The following RIMS3 variants were observed in gnomAD, a reference collection of about 807,000 sequenced individuals.
RIMS3 encodes regulating synaptic membrane exocytosis 3, also known as regulating synaptic membrane exocytosis protein 3.
Under a neutral mutation model 29.2 loss-of-function variants are expected in RIMS3, and 15 were observed. The ratio of observed to expected loss-of-function variants is 0.51; its 90% CI spans 0.34 to 0.79. RIMS3 has a LOEUF of 0.79. Ranked by LOEUF, RIMS3 falls within the 30% of genes least tolerant of loss-of-function variation. The pLI, the probability that RIMS3 is intolerant of heterozygous loss-of-function variation, is 0.01. For synonymous variants in RIMS3, 161 were observed against 170.1 expected (o/e 0.95, Z 0.41); for missense variants, 342 against 421.4 (o/e 0.81, Z 1.65).
At chr1:40,653,326 G>C (rs1214169370) in intron 1 of RIMS3, among the ~76,000 whole-genome samples, 5 of 152,200 alleles carry the variant, frequency 3.3e-5, no homozygotes, top group African/African-American at 4.8e-5. Context: ...GCCAACTGAA[G>C]GAGGGAGAGT....
At chr1:40,680,092 T>G in the RIMS3 span, among the ~76,000 whole-genome samples, 25 of 151,702 alleles carry the variant, frequency 1.6e-4, no homozygotes, top group East Asian at 1.9e-4. Flanking sequence ...CCCAGGAGTT[T>G]TGAGACTCGC....
At chr1:40,626,833 A>C (rs559588647) in intron 7 of RIMS3, 104 bp from the exon 8 acceptor site, 9 of 1,000,760 alleles carry the variant, frequency 9.0e-6, no homozygotes, top group Middle Eastern at 2.1e-4. Context: ...GATGGAGCAG[A>C]GGGAGCCAGA....
chr1:40,689,500 T>C, the RIMS3 span, among the ~76,000 whole-genome samples: 1 of 152,130 alleles, frequency 6.6e-6, no homozygotes, highest in Non-Finnish European at 1.5e-5. Context: ...CAGGCTGGTC[T>C]TGAACTCCTG....
At chr1:40,660,792 A>G (rs770772420) in intron 1 of RIMS3, among the ~76,000 whole-genome samples, 4 of 151,982 alleles carry the variant, frequency 2.6e-5, no homozygotes, top group Non-Finnish European at 1.5e-5. Flanking sequence ...AGGTGGGAAG[A>G]GGGGTTGGGG....
In RIMS3 at chr1:40,644,382, A is replaced by C. The variant is rs971304871; in HGVS notation, c.-31-2426T>G. The stretch of plus-strand genomic sequence containing the variant: ...AATATAGACATTTACTCTCCCTGTT[A>C]GCTGCATTCAACAAATATTTAAGCC... On this transcript the variant is annotated intron_variant, in intron 2 of 7. Coordinates refer to ENST00000372684, the MANE Select transcript of RIMS3 (RefSeq NM_014747.3). Among the ~76,000 whole-genome samples, 7 of 152,358 alleles carry C rather than the reference A, an allele frequency of 4.6e-5. No homozygotes were observed. In the South Asian group the frequency reaches 6.2e-4, roughly 14 times the overall value.
At chr1:40,673,668 T>C in the RIMS3 span, among the ~76,000 whole-genome samples, 6 of 152,228 alleles carry the variant, frequency 3.9e-5, no homozygotes, top group African/African-American at 1.4e-4. Flanking sequence ...AGCTTGCTCA[T>C]GATGAGCTCA....
intron 2 of RIMS3, among the ~76,000 whole-genome samples, chr1:40,646,765 A>G (rs570777347): frequency 5.9e-5 from 9 of 152,250 alleles, no homozygotes; most frequent in Admixed American, 3.9e-4. Context: ...CTGGGGTCTC[A>G]GTACCCTAAA....
the RIMS3 span, among the ~76,000 whole-genome samples, chr1:40,671,756 TC>T: frequency 6.7e-6 from 1 of 148,996 alleles, no homozygotes; most frequent in African/African-American, 2.5e-5. Flanking sequence ...TCCTTTCTTT[TC>T]TTTTTTTTTT....
chr1:40,676,761 A>T, the RIMS3 span, among the ~76,000 whole-genome samples: 1 of 152,254 alleles, frequency 6.6e-6, no homozygotes. Flanking sequence ...TAAGCTAACA[A>T]CTATGTTGAT....
chr1:40,679,401 G>A, the RIMS3 span, among the ~76,000 whole-genome samples: 1 of 152,344 alleles, frequency 6.6e-6, no homozygotes, highest in Admixed American at 6.5e-5. Context: ...AGGGTCCAGA[G>A]TGGGAAAGAT....
Position 40,628,966 on chromosome 1 carries a change from T to C in RIMS3, c.575-17A>G, listed in dbSNP as rs753970921. Reference sequence around the variant, plus strand: ...TATAGGTGGCTAAGGGAGGAGAGAATGTATGACAGGGAGGGGTCCAGGACA... The same window carrying C: ...TATAGGTGGCTAAGGGAGGAGAGAACGTATGACAGGGAGGGGTCCAGGACA... On this transcript the variant is annotated splice_polypyrimidine_tract_variant and intron_variant, in intron 6 of 7. Transcript: ENST00000372684. 9.9e-6 allele frequency: 16 copies of C among 1,612,568 alleles called. No individual in the cohort carries two copies. Among genetic ancestry groups the C allele is most frequent in the Admixed American group, 5.0e-5 (3 of 59,996 alleles).
chr1:40,658,520 T>C (rs1570202019), intron 1 of RIMS3, among the ~76,000 whole-genome samples: 1 of 152,226 alleles, frequency 6.6e-6, no homozygotes, highest in East Asian at 1.9e-4. Context: ...CCTGTTTGCA[T>C]GTCTCTTTGA....
the RIMS3 span, chr1:40,691,886 G>A: frequency 3.9e-5 from 15 of 381,990 alleles, no homozygotes; most frequent in South Asian, 2.1e-4. Flanking sequence ...GTGTGCGGGA[G>A]TTTCTGTGCG....
At chr1:40,626,774 C>T (rs542397090) in intron 7 of RIMS3, 45 bp from the exon 8 acceptor site, 66 of 1,575,092 alleles carry the variant, frequency 4.2e-5, no homozygotes, top group Middle Eastern at 3.3e-4. Flanking sequence ...CTCCCTGACT[C>T]CAGGACTGTG....
the RIMS3 span, chr1:40,691,626 A>G: frequency 2.5e-6 from 1 of 405,688 alleles, no homozygotes; most frequent in South Asian, 1.7e-5. Flanking sequence ...CGAGACCTCA[A>G]GGAGCACAGC....
Position 40,621,327 on chromosome 1 carries a change from T to C in RIMS3, c.*5190A>G, listed in dbSNP as rs767799190. Reference sequence around the variant, plus strand: ...ACATCAGCACCTTGAAAATTGTCCATTGTAGATGACCCTTAATTATGTCTC... The same window carrying C: ...ACATCAGCACCTTGAAAATTGTCCACTGTAGATGACCCTTAATTATGTCTC... On this transcript the variant is annotated 3_prime_UTR_variant, in exon 8 of 8. Transcript: ENST00000372684. 1.8e-4 allele frequency: 27 copies of C among 152,196 alleles called. No homozygotes were observed. Among genetic ancestry groups the C allele is most frequent in the Non-Finnish European group, 3.2e-4 (22 of 68,048 alleles). 9.4% of individuals were successfully genotyped at this position (152,196 alleles called of 1,614,324 possible).
chr1:40,691,530 A>G, the RIMS3 span: 4 of 298,436 alleles, frequency 1.3e-5, no homozygotes, highest in African/African-American at 2.3e-5. Flanking sequence ...GTCAAAACTC[A>G]GATCTCGAGC....
At chr1:40,685,457 G>C in the RIMS3 span, among the ~76,000 whole-genome samples, 1 of 151,252 alleles carries the variant, frequency 6.6e-6, no homozygotes, top group African/African-American at 2.4e-5. Flanking sequence ...ACGCAGGCCT[G>C]ACCCTGAGTG....
At chr1:40,689,208 G>T in the RIMS3 span, among the ~76,000 whole-genome samples, 2 of 152,204 alleles carry the variant, frequency 1.3e-5, no homozygotes, top group African/African-American at 4.8e-5. Flanking sequence ...TGCTGCTCTT[G>T]TGTCAGAGGA....
Sources: allele counts gnomAD v4.1 joint callset (sites outside exome capture counted in the v4.1 genomes callset), GRCh38; gene constraint gnomAD v4.1.1; transcripts MANE v1.5; gene names NCBI Gene and HGNC (gene_info 2026-07-23, HGNC 2026-07-21).